Variants in RNF150 observed in about 807,000 individuals in gnomAD.
The protein encoded by RNF150 is ring finger protein 150.
RNF150 carries 24 observed loss-of-function variants against 39.3 expected under a neutral mutation model. That is an observed-to-expected ratio of 0.61 (90% CI 0.44 to 0.86). RNF150 has a LOEUF of 0.86. RNF150 is among the 40% of genes least tolerant of loss of function. The pLI is 0.00. For synonymous variants in RNF150, 255 were observed against 227.3 expected (o/e 1.12, Z -1.10); for missense variants, 502 against 587.8 (o/e 0.85, Z 1.51).
At chr4:140,883,966 T>C (rs114418307) in intron 6 of RNF150, among the ~76,000 whole-genome samples, 2,064 of 152,264 alleles carry the variant, frequency 0.014, 59 homozygotes, top group African/African-American at 0.047. Flanking sequence ...GCTTTCTTTA[T>C]TGTACTTCAC....
intron 2 of RNF150, among the ~76,000 whole-genome samples, chr4:140,961,669 A>G (rs1447952983): frequency 6.6e-6 from 1 of 152,142 alleles, no homozygotes; most frequent in East Asian, 1.9e-4. Context: ...CCATCCATCA[A>G]AGGGCTAAAG....
intron 1 of RNF150, among the ~76,000 whole-genome samples, chr4:141,090,716 A>G (rs1738546684): frequency 6.6e-6 from 1 of 152,194 alleles, no homozygotes; most frequent in South Asian, 2.1e-4. Flanking sequence ...ACACAACGTA[A>G]CTGGTGAATG....
chr4:141,002,517 T>TA (rs761292134), intron 1 of RNF150, among the ~76,000 whole-genome samples: 3 of 152,206 alleles, frequency 2.0e-5, no homozygotes, highest in African/African-American at 2.4e-5. Context: ...CTTATGGAAA[T>TA]ACTTCCCCTG....
chr4:140,913,729 T>G (rs1394617398), intron 5 of RNF150, among the ~76,000 whole-genome samples: 2 of 152,190 alleles, frequency 1.3e-5, no homozygotes, highest in African/African-American at 4.8e-5. Context: ...CTATATTGAC[T>G]TTGGATTCCA....
At chr4:141,187,706 A>C (rs1260739850) in intron 1 of RNF150, among the ~76,000 whole-genome samples, 2 of 152,104 alleles carry the variant, frequency 1.3e-5, no homozygotes, top group African/African-American at 2.4e-5. Flanking sequence ...TGCTTGGTAA[A>C]TGTTCCTCTA....
intron 2 of RNF150, among the ~76,000 whole-genome samples, chr4:140,956,246 G>A (rs1025047510): frequency 4.6e-5 from 7 of 152,154 alleles, no homozygotes; most frequent in African/African-American, 1.7e-4. Flanking sequence ...ACCTGCCATG[G>A]CCATGGCAGG....
chr4:141,135,338 C>G (rs1358267847), upstream of RNF150, among the ~76,000 whole-genome samples: 1 of 152,186 alleles, frequency 6.6e-6, no homozygotes, highest in Non-Finnish European at 1.5e-5. Context: ...AAATAGCATC[C>G]TCCACGAAAA....
intron 4 of RNF150, among the ~76,000 whole-genome samples, chr4:140,931,143 T>C (rs1731619905): frequency 6.6e-6 from 1 of 152,156 alleles, no homozygotes; most frequent in South Asian, 2.1e-4. Context: ...ACATAAGTCC[T>C]GGTACTCCTT....
At chr4:141,202,832 T>C (rs1347907953) in intron 1 of RNF150, among the ~76,000 whole-genome samples, 1 of 151,790 alleles carries the variant, frequency 6.6e-6, no homozygotes, top group African/African-American at 2.4e-5. Context: ...CAGTACAAAA[T>C]TAACAAACAA....
At chr4:140,883,273 C>T (rs1729442969) in intron 6 of RNF150, among the ~76,000 whole-genome samples, 1 of 151,964 alleles carries the variant, frequency 6.6e-6, no homozygotes, top group African/African-American at 2.4e-5. Context: ...AATTCTATAC[C>T]AGAATTAAAA....
rs540775897 is a variant in RNF150, at chr4:141,200,823, G to A, written c.-6+11971C>T. Among the ~76,000 whole-genome samples the A allele has an allele frequency of 1.1e-4, 16 of 152,262 alleles. No individual in the cohort carries two copies. In the East Asian group the frequency reaches 3.1e-3, roughly 29 times the overall value. ...AATCTTGCCTTTTGGTTTTAAAGAAGAACCTTCGTTTTCAGTTCTGGCTTA... is the reference window on the plus strand; with the variant it reads ...AATCTTGCCTTTTGGTTTTAAAGAAAAACCTTCGTTTTCAGTTCTGGCTTA... On this transcript the variant is annotated intron_variant, in intron 1 of 7. Coordinates refer to the RNF150 transcript ENST00000420921.
At chr4:140,992,606 C>T (rs1422252630) in intron 1 of RNF150, among the ~76,000 whole-genome samples, 1 of 152,054 alleles carries the variant, frequency 6.6e-6, no homozygotes, top group East Asian at 1.9e-4. Context: ...ATAGTGTCCT[C>T]TACCTTTAAC....
At chr4:141,194,768 T>A (rs1156332293) in intron 1 of RNF150, among the ~76,000 whole-genome samples, 1 of 152,156 alleles carries the variant, frequency 6.6e-6, no homozygotes, top group East Asian at 1.9e-4. Flanking sequence ...GGAGTTAATC[T>A]TCACACTATT....
At chr4:140,982,539 A>AATT (rs1733894616) in intron 1 of RNF150, among the ~76,000 whole-genome samples, 2 of 139,738 alleles carry the variant, frequency 1.4e-5, no homozygotes, top group African/African-American at 5.2e-5. Flanking sequence ...TTTTGGTGAG[A>AATT]ATTTTTCAGC....
At chr4:141,123,047 T>C (rs1726656944) in intron 1 of RNF150, among the ~76,000 whole-genome samples, 1 of 152,148 alleles carries the variant, frequency 6.6e-6, no homozygotes, top group Non-Finnish European at 1.5e-5. Context: ...TGCTACAAGA[T>C]GAATAAACAT....
At chr4:141,112,621 T>C (rs1471345089) in intron 1 of RNF150, among the ~76,000 whole-genome samples, 1 of 152,166 alleles carries the variant, frequency 6.6e-6, no homozygotes, top group Non-Finnish European at 1.5e-5. Flanking sequence ...CTTCACTTTG[T>C]GGGTAACCCA....
At chr4:141,184,785 G>A (rs141861515) in intron 1 of RNF150, among the ~76,000 whole-genome samples, 2 of 151,876 alleles carry the variant, frequency 1.3e-5, no homozygotes, top group East Asian at 3.9e-4. Context: ...GCTTCTTTTT[G>A]TCATGTTTGT....
At chr4:141,089,904 T>C (rs945739528) in intron 1 of RNF150, among the ~76,000 whole-genome samples, 1 of 152,194 alleles carries the variant, frequency 6.6e-6, no homozygotes, top group African/African-American at 2.4e-5. Context: ...TTTTAATTAG[T>C]AACACATCGA....
intron 6 of RNF150, among the ~76,000 whole-genome samples, chr4:140,886,213 A>G (rs906488859): frequency 6.7e-6 from 1 of 150,094 alleles, no homozygotes; most frequent in African/African-American, 2.5e-5. Flanking sequence ...AAAAAAAAAG[A>G]AAAGTATGTA....
Sources: gnomAD v4.1 joint callset for allele counts (sites outside exome capture counted in the v4.1 genomes callset) on GRCh38, gnomAD v4.1.1 for gene constraint, MANE v1.5 for transcripts, NCBI Gene and HGNC (gene_info 2026-07-23, HGNC 2026-07-21) for gene names.